MAPKAP1: variants seen among roughly 807,000 people sequenced by gnomAD.
MAPKAP1 encodes the protein target of rapamycin complex 2 subunit MAPKAP1.
MAPKAP1 carries 20 observed loss-of-function variants against 65.7 expected under a neutral mutation model. That is an observed-to-expected ratio of 0.30 (90% CI 0.21 to 0.44). MAPKAP1 has a LOEUF of 0.44. Among genes scored for constraint, MAPKAP1 ranks in the 20% least tolerant of loss-of-function variants. The pLI, the probability that MAPKAP1 is intolerant of heterozygous loss-of-function variation, is 1.00. For synonymous variants in MAPKAP1, 222 were observed against 244.3 expected (o/e 0.91, Z 0.85); for missense variants, 423 against 648.0 (o/e 0.65, Z 3.77).
chr9:125,698,316 T>TATAAA (rs1564622565), intron 1 of MAPKAP1, among the ~76,000 whole-genome samples: 1 of 86,636 alleles, frequency 1.2e-5, no homozygotes, highest in South Asian at 3.1e-4. Flanking sequence ...TATATATATA[T>TATAAA]ATATATATAT....
chr9:125,584,474 C>T (rs1831719466), intron 5 of MAPKAP1, among the ~76,000 whole-genome samples: 1 of 152,100 alleles, frequency 6.6e-6, no homozygotes. Context: ...GAGTCTTGCT[C>T]TGTCACCAGG....
intron 7 of MAPKAP1, among the ~76,000 whole-genome samples, chr9:125,538,545 G>C (rs1029851295): frequency 1.3e-5 from 2 of 151,696 alleles, no homozygotes; most frequent in Non-Finnish European, 2.9e-5. Flanking sequence ...TTTTTTGGTG[G>C]GGTGGGGGGT....
intron 3 of MAPKAP1, among the ~76,000 whole-genome samples, chr9:125,661,621 TTATA>T (rs1834188648): frequency 6.6e-6 from 1 of 152,196 alleles, no homozygotes; most frequent in African/African-American, 2.4e-5. Flanking sequence ...ATAAATATGC[TTATA>T]TATAGTTTTA....
chr9:125,508,886 G>A (rs1258449795), intron 7 of MAPKAP1, among the ~76,000 whole-genome samples: 4 of 151,828 alleles, frequency 2.6e-5, no homozygotes, highest in Non-Finnish European at 5.9e-5. Context: ...GGTCTAATAC[G>A]GGGACTGATT....
intron 1 of MAPKAP1, among the ~76,000 whole-genome samples, chr9:125,686,375 G>T (rs1192189155): frequency 6.6e-6 from 1 of 150,586 alleles, no homozygotes; most frequent in African/African-American, 2.4e-5. Context: ...AGAAAGAAAA[G>T]CAACACACTT....
chr9:125,516,155 G>T (rs1197698645), intron 7 of MAPKAP1, among the ~76,000 whole-genome samples: 1 of 152,178 alleles, frequency 6.6e-6, no homozygotes, highest in Non-Finnish European at 1.5e-5. Context: ...CCGTCTACAA[G>T]ACAAATCACT....
chr9:125,649,471 G>A (rs1461765835), intron 4 of MAPKAP1, among the ~76,000 whole-genome samples: 1 of 152,146 alleles, frequency 6.6e-6, no homozygotes, highest in Non-Finnish European at 1.5e-5. Flanking sequence ...ATGGCCTGGT[G>A]AGTCAGGCTG....
chr9:125,676,392 T>C (rs548322319), intron 1 of MAPKAP1, among the ~76,000 whole-genome samples: 2 of 152,306 alleles, frequency 1.3e-5, no homozygotes, highest in South Asian at 4.1e-4. Context: ...TAACAATACA[T>C]GGTAGAGGGT....
In MAPKAP1 at chr9:125,595,650, G is replaced by T; in HGVS notation, c.499-9923C>A. 6.8e-7 allele frequency: 1 copy of T among 1,478,762 alleles called. No individual in the cohort carries two copies. The highest frequency in any genetic ancestry group is 8.9e-7 in the Non-Finnish European group (1 of 1,119,796). 91.6% of individuals were successfully genotyped at this position (1,478,762 alleles called of 1,614,324 possible). A position where few individuals can be genotyped will look rare whatever the true frequency, so the allele number is the denominator to read the frequency against. ...GACACGCCAAGGAAGCATCGTTAAAGTCTCTCTTCTCCCTGCCGTCCTAAG... is the reference window on the plus strand; with the variant it reads ...GACACGCCAAGGAAGCATCGTTAAATTCTCTCTTCTCCCTGCCGTCCTAAG... On this transcript the variant is annotated intron_variant, in intron 4 of 11. Transcript: ENST00000265960. The surrounding 1 kb of genome is among the most constrained non-coding windows in gnomAD (Gnocchi z 4.0).
intron 2 of MAPKAP1, 122 bp downstream of exon 2, chr9:125,672,194 T>C (rs1450065146): frequency 2.8e-6 from 3 of 1,061,384 alleles, no homozygotes; most frequent in Non-Finnish European, 4.1e-6. Flanking sequence ...GTCTGACATA[T>C]GCATGTTCCT....
At chr9:125,642,373 T>G (rs1833604758) in intron 4 of MAPKAP1, among the ~76,000 whole-genome samples, 4 of 152,116 alleles carry the variant, frequency 2.6e-5, no homozygotes, top group Admixed American at 1.3e-4. Context: ...GAATAAAAAT[T>G]CCAGGCAGCA....
In MAPKAP1 at chr9:125,458,835, C is replaced by T. The variant is rs867815482; in HGVS notation, c.1345+9137G>A. 1.3e-3 allele frequency among the ~76,000 whole-genome samples: 86 copies of T among 67,028 alleles called. 1 individual carries two copies. The highest frequency in any genetic ancestry group is 5.7e-3 in the South Asian group (8 of 1,402). 44.0% of individuals were successfully genotyped at this position (67,028 alleles called of 152,430 possible). ...TCACCTCCCGGACGGGGCGGCTGGC[C>T]GGGTGGGGGGCTGACCCCCCCTACC... On this transcript the variant is annotated intron_variant, in intron 10 of 11. Transcript: ENST00000265960.
At chr9:125,477,651 G>A (rs553825376) in intron 9 of MAPKAP1, among the ~76,000 whole-genome samples, 2 of 152,306 alleles carry the variant, frequency 1.3e-5, no homozygotes, top group Admixed American at 6.5e-5. Flanking sequence ...TTTGGCTGGT[G>A]CATTGTAATT....
rs982153916 is a variant in MAPKAP1 at position 125,707,042 on chromosome 9, C to G, written c.-141G>C. The G allele has an allele frequency of 7.5e-6, 3 of 397,362 alleles. No homozygotes were observed. Among genetic ancestry groups the G allele is most frequent in the Non-Finnish European group, 1.3e-5 (3 of 225,474 alleles). 24.6% of individuals were successfully genotyped at this position (397,362 alleles called of 1,614,324 possible). ...TCCTGAGGGGAGGGCCCGGCTCCCC[C>G]ACGCCTCCCGGCCCCTGCCCCGAGC... On this transcript the variant is annotated 5_prime_UTR_variant, in exon 1 of 12. Transcript: ENST00000265960.
At chr9:125,579,259 T>C (rs953476365) in intron 5 of MAPKAP1, among the ~76,000 whole-genome samples, 7 of 152,346 alleles carry the variant, frequency 4.6e-5, no homozygotes, top group East Asian at 1.9e-4. Context: ...TCTACTACCA[T>C]AGACAGTTTA....
intron 1 of MAPKAP1, among the ~76,000 whole-genome samples, chr9:125,673,850 G>A (rs955068678): frequency 1.3e-5 from 2 of 152,020 alleles, no homozygotes; most frequent in African/African-American, 4.8e-5. Context: ...GCTGAAGTGG[G>A]GGGATCACTT....
intron 7 of MAPKAP1, among the ~76,000 whole-genome samples, chr9:125,531,973 T>C (rs1829946080): frequency 6.6e-6 from 1 of 152,226 alleles, no homozygotes; most frequent in Non-Finnish European, 1.5e-5. Context: ...GTCTGACAAA[T>C]GTACACACTT....
At chr9:125,677,900 A>G (rs1006034606) in intron 1 of MAPKAP1, among the ~76,000 whole-genome samples, 22 of 152,234 alleles carry the variant, frequency 1.4e-4, no homozygotes, top group Non-Finnish European at 2.6e-4. Context: ...AAAGAAAGAG[A>G]TGTCCCAAAA....
chr9:125,693,542 TATATAC>T (rs2131853868), intron 1 of MAPKAP1, among the ~76,000 whole-genome samples: 1 of 148,088 alleles, frequency 6.8e-6, no homozygotes, highest in Admixed American at 6.8e-5. Flanking sequence ...TACACACACA[TATATAC>T]ATATACACAC....
Sources: gnomAD v4.1 joint callset for allele counts (sites outside exome capture counted in the v4.1 genomes callset) on GRCh38, gnomAD v4.1.1 for gene constraint, Gnocchi (gnomAD v3.1) non-coding constraint, MANE v1.5 for transcripts, NCBI Gene and HGNC (gene_info 2026-07-23, HGNC 2026-07-21) for gene names.